CTNNA2: variants seen among roughly 807,000 people sequenced by gnomAD.
CTNNA2 encodes catenin alpha 2.
Under a neutral mutation model 101.0 loss-of-function variants are expected in CTNNA2, and 42 were observed. The ratio of observed to expected loss-of-function variants is 0.42; its 90% CI spans 0.32 to 0.54. The LOEUF (loss-of-function observed/expected upper bound fraction) is 0.54, where lower values mean the gene tolerates loss of function less well. Among genes scored for constraint, CTNNA2 ranks in the 20% least tolerant of loss-of-function variants. The pLI, the probability that CTNNA2 is intolerant of heterozygous loss-of-function variation, is 0.14. For synonymous variants in CTNNA2, 450 were observed against 456.4 expected, an observed-to-expected ratio of 0.99 and a Z score of 0.18; for missense variants, 871 against 1,223.1, an observed-to-expected ratio of 0.71 and a Z score of 4.29.
intron 7 of CTNNA2, among the ~76,000 whole-genome samples, chr2:80,331,995 G>T (rs146610786): frequency 1.3e-5 from 2 of 152,106 alleles, no homozygotes; most frequent in African/African-American, 2.4e-5. Context: ...TACCATTCCC[G>T]TGCAGGAGTA....
chr2:80,391,089 G>T (rs529223090), intron 7 of CTNNA2, among the ~76,000 whole-genome samples: 1 of 149,206 alleles, frequency 6.7e-6, no homozygotes, highest in African/African-American at 2.5e-5. Context: ...CTGAGATTGC[G>T]CCACTGTGCT....
At chr2:80,563,300 T>C (rs1693769423) in intron 12 of CTNNA2, among the ~76,000 whole-genome samples, 2 of 152,178 alleles carry the variant, frequency 1.3e-5, no homozygotes, top group Admixed American at 1.3e-4. Context: ...TCACCCAGAT[T>C]CTCTGACGGA....
intron 3 of CTNNA2, chr2:79,339,935 G>T (rs1049093667): frequency 6.6e-6 from 1 of 152,160 alleles, no homozygotes; most frequent in Non-Finnish European, 1.5e-5. Flanking sequence ...GGCATTTGTT[G>T]TTTCTTACCC....
intron 1 of CTNNA2, among the ~76,000 whole-genome samples, chr2:79,546,820 C>T (rs1332287856): frequency 6.6e-6 from 1 of 152,162 alleles, no homozygotes; most frequent in Non-Finnish European, 1.5e-5. Flanking sequence ...TTCTCAGCAA[C>T]AGTTCTCCCT....
At chr2:79,800,818 G>A (rs1235189957) in intron 3 of CTNNA2, among the ~76,000 whole-genome samples, 1 of 152,180 alleles carries the variant, frequency 6.6e-6, no homozygotes, top group African/African-American at 2.4e-5. Flanking sequence ...CTTACCAGAT[G>A]AGCGCTAATT....
intron 4 of CTNNA2, among the ~76,000 whole-genome samples, chr2:79,458,969 C>A (rs187437765): frequency 9.2e-5 from 14 of 152,086 alleles, no homozygotes; most frequent in Non-Finnish European, 1.8e-4. Flanking sequence ...TCCTGACACT[C>A]CAATTCTTTC....
At chr2:80,442,459 C>T (rs530842715) in intron 9 of CTNNA2, among the ~76,000 whole-genome samples, 1 of 152,206 alleles carries the variant, frequency 6.6e-6, no homozygotes, top group Non-Finnish European at 1.5e-5. Context: ...ACATCTCATG[C>T]CCTTTCAACA....
intron 15 of CTNNA2, among the ~76,000 whole-genome samples, chr2:80,590,258 C>T (rs866273994): frequency 1.2e-4 from 18 of 152,142 alleles, no homozygotes; most frequent in Admixed American, 2.0e-4. Flanking sequence ...AGGAACCTCC[C>T]TGAATTTTGA....
At chr2:79,646,229 T>C (rs1462386841) in intron 1 of CTNNA2, among the ~76,000 whole-genome samples, 1 of 152,230 alleles carries the variant, frequency 6.6e-6, no homozygotes, top group Non-Finnish European at 1.5e-5. Flanking sequence ...ATATCTGGCA[T>C]TTGAAGGCAT....
chr2:79,931,737 C>T (rs1207431485), intron 7 of CTNNA2, among the ~76,000 whole-genome samples: 2 of 152,022 alleles, frequency 1.3e-5, no homozygotes, highest in Non-Finnish European at 2.9e-5. Context: ...GTTGGTAGTA[C>T]CCTAAAAGGG....
intron 2 of CTNNA2, among the ~76,000 whole-genome samples, chr2:79,711,188 C>G (rs1057323947): frequency 2.0e-5 from 3 of 152,168 alleles, no homozygotes; most frequent in African/African-American, 7.2e-5. Context: ...CTATGGCAGT[C>G]TCTCAACTGA....
At chr2:79,390,186 T>G (rs578258162) in intron 4 of CTNNA2, among the ~76,000 whole-genome samples, 2 of 152,158 alleles carry the variant, frequency 1.3e-5, no homozygotes, top group Non-Finnish European at 2.9e-5. Context: ...ATTCATCTCT[T>G]TTGGCAGCAC....
At chr2:79,660,469 A>G (rs1438268791) in intron 2 of CTNNA2, among the ~76,000 whole-genome samples, 1 of 151,856 alleles carries the variant, frequency 6.6e-6, no homozygotes, top group Non-Finnish European at 1.5e-5. Context: ...TTAATATTTA[A>G]TTGAAAGACT....
intron 3 of CTNNA2, among the ~76,000 whole-genome samples, chr2:79,361,443 G>C (rs1304071970): frequency 6.6e-6 from 1 of 152,126 alleles, no homozygotes; most frequent in Non-Finnish European, 1.5e-5. Context: ...AGGGTTCTTT[G>C]ATCTCTTTCG....
intron 3 of CTNNA2, among the ~76,000 whole-genome samples, chr2:79,368,998 T>G (rs189629752): frequency 6.6e-6 from 1 of 152,252 alleles, no homozygotes; most frequent in African/African-American, 2.4e-5. Flanking sequence ...CTGCTTAACC[T>G]TAGCTGGGGG....
chr2:80,196,381 G>A (rs941060160), intron 7 of CTNNA2, among the ~76,000 whole-genome samples: 1 of 152,088 alleles, frequency 6.6e-6, no homozygotes, highest in Non-Finnish European at 1.5e-5. Flanking sequence ...GCTATTTCCT[G>A]TGACCTTGTG....
At chr2:80,305,179 G>C in intron 7 of CTNNA2, 1 of 985,338 alleles carries the variant, frequency 1.0e-6, no homozygotes, top group South Asian at 4.7e-5. Flanking sequence ...TAAGATTTTT[G>C]GGGTTTTTTC....
chr2:79,780,085 T>G (rs2105194246), intron 3 of CTNNA2, among the ~76,000 whole-genome samples: 1 of 152,300 alleles, frequency 6.6e-6, no homozygotes, highest in South Asian at 2.1e-4. Context: ...TCCTTTCTAT[T>G]GGTAATAACT....
At chr2:79,501,188 T>C (rs748177558) in intron 4 of CTNNA2, among the ~76,000 whole-genome samples, 29 of 152,220 alleles carry the variant, frequency 1.9e-4, no homozygotes, top group Non-Finnish European at 3.7e-4. Flanking sequence ...TTATTACCCA[T>C]GGAAAATGGG....
Sources: allele counts gnomAD v4.1 joint callset (sites outside exome capture counted in the v4.1 genomes callset), GRCh38; gene constraint gnomAD v4.1.1; transcripts MANE v1.5; gene names NCBI Gene and HGNC (gene_info 2026-07-23, HGNC 2026-07-21).